The following MGA variants were observed in gnomAD, a reference collection of about 807,000 sequenced individuals.
The protein encoded by MGA is MAX dimerization protein MGA.
MGA carries 40 observed loss-of-function variants against 261.1 expected under a neutral mutation model. The ratio of observed to expected loss-of-function variants is 0.15; its 90% confidence interval spans 0.12 to 0.20. The LOEUF (loss-of-function observed/expected upper bound fraction) is 0.20, where lower values mean the gene tolerates loss of function less well. MGA is among the 10% of genes least tolerant of loss of function. The pLI, the probability that MGA is intolerant of heterozygous loss-of-function variation, is 1.00. For synonymous variants in MGA, 1,302 were observed against 1,290.6 expected, an observed-to-expected ratio of 1.01 and a Z score of -0.19; for missense variants, 3,397 against 3,630.5, an observed-to-expected ratio of 0.94 and a Z score of 1.65.
At chr15:41,687,636 A>C (rs576953134) in intron 2 of MGA, among the ~76,000 whole-genome samples, 5 of 152,172 alleles carry the variant, frequency 3.3e-5, no homozygotes, top group African/African-American at 1.2e-4. Flanking sequence ...TGGTATGTTG[A>C]TAAGTTTGTT....
At position 41,651,429 on chromosome 15, in the gene MGA, A is replaced by G. The variant is rs542944298; in HGVS notation, c.-67-17399A>G. ...ATTGACTACATAGCCACTGATTGCA[A>G]TGTCTTCCTCCACTTTCTAATTTTA... is the stretch of plus-strand genomic sequence containing the variant. On this transcript the variant is annotated intron_variant, in intron 1 of 8. Transcript: ENST00000566718. 5.3e-5 allele frequency among the ~76,000 whole-genome samples: 8 copies of G among 152,234 alleles called. No individual in the cohort carries two copies. The East Asian group carries it at 7.7e-4, about 15-fold the overall frequency.
intron 18 of MGA, among the ~76,000 whole-genome samples, chr15:41,756,366 CTT>C (rs1027851967): frequency 6.6e-6 from 1 of 152,184 alleles, no homozygotes; most frequent in African/African-American, 2.4e-5. Context: ...ACCACAGTGA[CTT>C]TACCAATTCA....
At chr15:41,685,224 C>T (rs575505258) in intron 2 of MGA, among the ~76,000 whole-genome samples, 1 of 152,282 alleles carries the variant, frequency 6.6e-6, no homozygotes, top group Non-Finnish European at 1.5e-5. Context: ...AAATAATTTT[C>T]TCCATTAAGT....
At chr15:41,672,127 G>C (rs1385851195) in intron 2 of MGA, among the ~76,000 whole-genome samples, 1 of 152,176 alleles carries the variant, frequency 6.6e-6, no homozygotes, top group African/African-American at 2.4e-5. Flanking sequence ...AGGGCCTGAA[G>C]GAGTTTGTTA....
intron 18 of MGA, among the ~76,000 whole-genome samples, chr15:41,756,318 T>C (rs968381597): frequency 6.6e-5 from 10 of 152,212 alleles, no homozygotes; most frequent in African/African-American, 2.2e-4. Context: ...CATGTACATT[T>C]GTTCAGCCTC....
At chr15:41,671,714 C>G (rs904995539) in intron 2 of MGA, among the ~76,000 whole-genome samples, 1 of 152,178 alleles carries the variant, frequency 6.6e-6, no homozygotes, top group African/African-American at 2.4e-5. Flanking sequence ...CTTTCCTTTT[C>G]TTGCTAAAAT....
rs780027483 is a variant in MGA, at chr15:41,754,476, G to A, written c.7048G>A (p.Val2350Met). The change falls in exon 18 of 24, where the codon GTG becomes ATG. Residue 2350 changes from valine (V) to methionine (M), a missense_variant. This residue lies in a region of MGA where 1,410 missense variants were observed against 1,386.4 expected (regional missense o/e 1.02). Coordinates refer to ENST00000219905, the MANE Select transcript of MGA (RefSeq NM_001164273.2). ...ATACATTGAGGATGATGAGGAGCACGTGGACATTGAGACTGTAGAAGAGCT... is the reference window on the plus strand; with the variant it reads ...ATACATTGAGGATGATGAGGAGCACATGGACATTGAGACTGTAGAAGAGCT... 1.3e-5 allele frequency: 21 copies of A among 1,561,282 alleles called. No individual in the cohort carries two copies. Among genetic ancestry groups the A allele is most frequent in the Non-Finnish European group, 1.7e-5 (20 of 1,151,378 alleles).
intron 1 of MGA, among the ~76,000 whole-genome samples, chr15:41,645,744 A>C (rs1055851160): frequency 6.6e-6 from 1 of 152,224 alleles, no homozygotes; most frequent in Non-Finnish European, 1.5e-5. Context: ...GCAAGTATAA[A>C]ATGCTGAACT....
Position 41,748,619 on chromosome 15 carries a change from C to T in MGA, c.5213-18C>T, listed in dbSNP as rs368717506. 11 of 1,603,586 alleles carry T rather than the reference C, an allele frequency of 6.9e-6. No individual in the cohort carries two copies. The African/African-American group carries it at 1.5e-4, about 21-fold the overall frequency. ...AAAGGGGAATTTGGGTACCATGTTT[C>T]CATTTCCTGTTTTTCAGAAAATGCT... On this transcript the variant is annotated intron_variant, in intron 15 of 23. Coordinates refer to ENST00000219905, the MANE Select transcript of MGA (RefSeq NM_001164273.2).
At chr15:41,649,900 C>T (rs1006271793) in intron 1 of MGA, among the ~76,000 whole-genome samples, 11 of 152,102 alleles carry the variant, frequency 7.2e-5, no homozygotes, top group Non-Finnish European at 8.8e-5. Context: ...AGGCTGGTGT[C>T]GAACTCCTGA....
intron 2 of MGA, among the ~76,000 whole-genome samples, chr15:41,681,713 G>T (rs1291164129): frequency 1.3e-5 from 2 of 152,122 alleles, no homozygotes; most frequent in Non-Finnish European, 2.9e-5. Flanking sequence ...GCCTCCCAAA[G>T]TGCTGGGATT....
chr15:41,625,526 C>T (rs2056428326), intron 1 of MGA, among the ~76,000 whole-genome samples: 1 of 151,082 alleles, frequency 6.6e-6, no homozygotes, highest in Admixed American at 6.6e-5. Context: ...CCAGCCTGGT[C>T]AACACAGCAA....
rs1344942502 is a variant in MGA at position 41,742,716 on chromosome 15, C to A, written c.4756C>A (p.Pro1586Thr). 7 of 1,613,856 alleles carry A rather than the reference C, an allele frequency of 4.3e-6. No homozygotes were observed. Among genetic ancestry groups the A allele is most frequent in the Non-Finnish European group, 5.9e-6 (7 of 1,179,894 alleles). The change falls in exon 15 of 24, where the codon CCA becomes ACA. Residue 1586 changes from proline (P) to threonine (T), a missense_variant. Physicochemically the swap from Pro to Thr is conservative, Grantham distance 38 (BLOSUM62 -1). This residue lies in a region of MGA where 1,410 missense variants were observed against 1,386.4 expected (regional missense o/e 1.02). Coordinates refer to ENST00000219905, the MANE Select transcript of MGA (RefSeq NM_001164273.2). The stretch of plus-strand genomic sequence containing the variant: ...CGTCACACCTGTGGTTTCTTCTGAG[C>A]CAGTTCAGGTGTGCAGCCCTGTGAC...
In MGA at chr15:41,739,809, A is replaced by G; in HGVS notation, c.4435-244A>G. On this transcript the variant is annotated intron_variant, in intron 13 of 23. Coordinates refer to ENST00000219905, the MANE Select transcript of MGA (RefSeq NM_001164273.2). ...TTTCCCTTTTAAATCTGAAAAATAG[A>G]CTTATGAAAACTTGTAAAAATGAAG... 2.5e-6 allele frequency: 3 copies of G among 1,191,348 alleles called. No homozygotes were observed. The South Asian group carries it at 4.4e-5, about 18-fold the overall frequency. 73.8% of individuals were successfully genotyped at this position (1,191,348 alleles called of 1,614,324 possible).
intron 1 of MGA, among the ~76,000 whole-genome samples, chr15:41,663,165 T>C: frequency 6.6e-6 from 1 of 152,178 alleles, no homozygotes; most frequent in East Asian, 1.9e-4. Context: ...ATGGAACTTG[T>C]TAGATTACTT....
chr15:41,656,322 T>TTCTC (rs1270489033), upstream of MGA, among the ~76,000 whole-genome samples: 16 of 102,706 alleles, frequency 1.6e-4, no homozygotes, highest in South Asian at 5.0e-3. Context: ...TGGTGTTTCT[T>TTCTC]TCTCTCTCTC....
chr15:41,660,109 CA>C (rs2057303012), upstream of MGA, among the ~76,000 whole-genome samples: 1 of 152,248 alleles, frequency 6.6e-6, no homozygotes, highest in African/African-American at 2.4e-5. Context: ...GCCCGCCGGG[CA>C]TTGGTTTCAC....
rs531318424 is a variant in MGA, at chr15:41,764,990, G to A, written c.7849G>A (p.Val2617Ile). The A allele has an allele frequency of 6.8e-6, 11 of 1,614,046 alleles. No individual in the cohort carries two copies. The highest frequency in any genetic ancestry group is 1.6e-4 in the Middle Eastern group (1 of 6,062). The stretch of plus-strand genomic sequence containing the variant: ...AGGTCCCCTATTCTCAGGACCAGTG[G>A]TAGCTGTTTCTCCTGATCTCTTAGA... The change falls in exon 23 of 24, where the codon GTA becomes ATA. Residue 2617 changes from valine to isoleucine, a missense_variant. Physicochemically the swap from Val to Ile is conservative, Grantham distance 29 (BLOSUM62 3). Around this residue, in one of 9 missense-constraint regions of MGA, gnomAD observed 647 missense variants for 642.4 expected, o/e 1.01. Coordinates refer to ENST00000219905, the MANE Select transcript of MGA (RefSeq NM_001164273.2).
intron 3 of MGA, 30 bp downstream of exon 3, chr15:41,697,053 G>A: frequency 6.9e-7 from 1 of 1,454,092 alleles, no homozygotes; most frequent in Non-Finnish European, 9.1e-7. Flanking sequence ...GATTCTTTAA[G>A]GCTAATTAGT....
Sources: allele counts gnomAD v4.1 joint callset (sites outside exome capture counted in the v4.1 genomes callset), GRCh38; gene constraint gnomAD v4.1.1; regional missense constraint gnomAD v4.1.1; transcripts MANE v1.5; gene names NCBI Gene and HGNC (gene_info 2026-07-23, HGNC 2026-07-21).